Variants in MMP26 observed in about 807,000 individuals in gnomAD.
MMP26 encodes matrix metalloproteinase-26.
MMP26 carries 33 observed loss-of-function variants against 31.0 expected under a neutral mutation model. The ratio of observed to expected loss-of-function variants is 1.06; its 90% CI spans 0.81 to 1.42. The LOEUF (loss-of-function observed/expected upper bound fraction) is 1.42. Ranked by LOEUF, MMP26 falls within the 40% of genes most tolerant of loss-of-function variation. The pLI, the probability that MMP26 is intolerant of heterozygous loss-of-function variation, is 0.00. For synonymous variants in MMP26, 122 were observed against 114.9 expected (o/e 1.06, Z -0.40); for missense variants, 347 against 316.1 (o/e 1.10, Z -0.74).
intron 2 of MMP26, among the ~76,000 whole-genome samples, chr11:4,833,835 A>G (rs548129599): frequency 7.9e-5 from 12 of 152,148 alleles, no homozygotes; most frequent in Non-Finnish European, 1.6e-4. Context: ...AAGATAAGGG[A>G]CTGAAACTTT....
intron 2 of MMP26, among the ~76,000 whole-genome samples, chr11:4,916,261 G>T (rs1293078833): frequency 6.6e-6 from 1 of 151,966 alleles, no homozygotes; most frequent in Non-Finnish European, 1.5e-5. Flanking sequence ...CTGTTGTTGG[G>T]GACTTTTCTC....
At chr11:4,861,939 A>G (rs1383253342) in intron 2 of MMP26, among the ~76,000 whole-genome samples, 1 of 152,036 alleles carries the variant, frequency 6.6e-6, no homozygotes, top group Non-Finnish European at 1.5e-5. Context: ...TTCAACCCCT[A>G]CCTACCTCTG....
Position 4,735,283 on chromosome 11 carries a change from A to G in MMP26, c.-217+30238A>G, listed in dbSNP as rs184234479. Among the ~76,000 whole-genome samples the G allele has an allele frequency of 4.8e-3, 729 of 152,320 alleles. 3 individuals carry two copies. The highest frequency in any genetic ancestry group is 0.02 in the Middle Eastern group (6 of 294). On this transcript the variant is annotated intron_variant, in intron 1 of 7. Transcript: ENST00000380390. ...TATATGCCCTTAGAGCAATTTCCAG[A>G]GAATTTAAATGGTTATGTCTATATC...
At chr11:4,958,923 A>G (rs7105981) in intron 2 of MMP26, among the ~76,000 whole-genome samples, 34,100 of 152,064 alleles carry the variant, frequency 0.22, 3,973 homozygotes, top group South Asian at 0.41. Flanking sequence ...AATACAGAGG[A>G]ATTTCTAGAT....
chr11:4,804,344 C>G, intron 2 of MMP26: 1 of 1,614,118 alleles, frequency 6.2e-7, no homozygotes, highest in Non-Finnish European at 8.5e-7. Context: ...ATGAAGGACA[C>G]AGGATGAGAA....
intron 2 of MMP26, among the ~76,000 whole-genome samples, chr11:4,936,682 T>TA (rs1564810449): frequency 6.6e-6 from 1 of 152,150 alleles, no homozygotes; most frequent in African/African-American, 2.4e-5. Context: ...AGAAAAGGTT[T>TA]AAAAAGCAAT....
chr11:4,915,993 C>T (rs1177948384), intron 2 of MMP26, among the ~76,000 whole-genome samples: 1 of 152,132 alleles, frequency 6.6e-6, no homozygotes, highest in Non-Finnish European at 1.5e-5. Context: ...GTCTTCTTAG[C>T]CACTAGAGTT....
At chr11:4,806,643 T>C (rs1259411092) in intron 2 of MMP26, among the ~76,000 whole-genome samples, 1 of 152,184 alleles carries the variant, frequency 6.6e-6, no homozygotes, top group Non-Finnish European at 1.5e-5. Context: ...GTCTCCTGAA[T>C]ACAGCACACT....
chr11:4,839,790 C>A (rs7938123), intron 2 of MMP26, among the ~76,000 whole-genome samples: 5,842 of 151,696 alleles, frequency 0.039, 375 homozygotes, highest in African/African-American at 0.13. Context: ...GGGAGAGACT[C>A]CTTCTGCTTG....
intron 2 of MMP26, among the ~76,000 whole-genome samples, chr11:4,836,826 A>ATT (rs551669223): frequency 7.0e-6 from 1 of 142,408 alleles, no homozygotes. Flanking sequence ...TGCCCAGCTA[A>ATT]TTTTTTTTTT....
chr11:4,938,419 T>A (rs776527339), intron 2 of MMP26: 1 of 150,982 alleles, frequency 6.6e-6, no homozygotes, highest in South Asian at 2.1e-4. Flanking sequence ...TACTTCTTAA[T>A]GTCAAACATC....
intron 2 of MMP26, chr11:4,832,901 C>G (rs192835314): frequency 1.5e-5 from 3 of 197,396 alleles, no homozygotes; most frequent in African/African-American, 4.6e-5. Flanking sequence ...TGCCCATCAT[C>G]ACCTTGGCTA....
chr11:4,842,260 T>C (rs1849806791), intron 2 of MMP26, among the ~76,000 whole-genome samples: 2 of 152,184 alleles, frequency 1.3e-5, no homozygotes, highest in African/African-American at 4.8e-5. Context: ...GAGTGTTAAG[T>C]TGTTATTAGG....
intron 2 of MMP26, among the ~76,000 whole-genome samples, chr11:4,842,155 A>G (rs1001423609): frequency 6.6e-6 from 1 of 152,234 alleles, no homozygotes; most frequent in Non-Finnish European, 1.5e-5. Flanking sequence ...CATAGACAGC[A>G]CAATAAGGTA....
intron 2 of MMP26, among the ~76,000 whole-genome samples, chr11:4,922,637 C>G (rs918619751): frequency 3.3e-5 from 5 of 152,148 alleles, no homozygotes; most frequent in Admixed American, 3.3e-4. Flanking sequence ...CAAATAAGCA[C>G]AAAATAACAC....
chr11:4,849,005 G>A (rs1480181943), intron 2 of MMP26: 2 of 1,614,012 alleles, frequency 1.2e-6, no homozygotes, highest in African/African-American at 1.3e-5. Context: ...AGAGGAAGAA[G>A]TGCATTGGGC....
intron 2 of MMP26, chr11:4,924,455 G>T: frequency 9.5e-7 from 1 of 1,055,992 alleles, no homozygotes; most frequent in Non-Finnish European, 1.4e-6. Context: ...GGAAGCATCT[G>T]CAGATGGCAT....
intron 2 of MMP26, chr11:4,924,416 C>G (rs371491822): frequency 1.4e-6 from 2 of 1,422,892 alleles, no homozygotes; most frequent in African/African-American, 1.4e-5. Flanking sequence ...AATTCTCACT[C>G]ACCTAAATGT....
At chr11:4,818,542 A>T (rs1849451616) in intron 2 of MMP26, among the ~76,000 whole-genome samples, 1 of 152,002 alleles carries the variant, frequency 6.6e-6, no homozygotes, top group South Asian at 2.1e-4. Context: ...TTTTTAACTC[A>T]TTCATTTGTG....
Sources: allele counts gnomAD v4.1 joint callset (sites outside exome capture counted in the v4.1 genomes callset), GRCh38; gene constraint gnomAD v4.1.1; transcripts MANE v1.5; gene names NCBI Gene and HGNC (gene_info 2026-07-23, HGNC 2026-07-21).